PTPRM: variants seen among roughly 807,000 people sequenced by gnomAD.
PTPRM encodes the protein receptor-type tyrosine-protein phosphatase mu.
Under a neutral mutation model 186.7 loss-of-function variants are expected in PTPRM, and 47 were observed. The ratio of observed to expected loss-of-function variants is 0.25; its 90% CI spans 0.20 to 0.32. PTPRM has a LOEUF of 0.32. PTPRM is among the 10% of genes least tolerant of loss of function. PTPRM has a pLI of 1.00. For missense variants in PTPRM, 1,494 were observed against 1,865.0 expected (o/e 0.80, Z 3.66); for synonymous variants, 668 against 674.9 (o/e 0.99, Z 0.16).
At position 8,117,641 on chromosome 18, in the gene PTPRM, G is replaced by C. The variant is rs115825182; in HGVS notation, c.2167+2814G>C. Among the ~76,000 whole-genome samples the C allele has an allele frequency of 5.4e-3, 824 of 152,148 alleles. 10 individuals are homozygous for C. Among genetic ancestry groups the C allele is most frequent in the African/African-American group, 0.019 (775 of 41,528 alleles). Reference sequence around the variant, plus strand: ...ATTATTATATATCTCCATACGTGTGGGGGATTGCCTATATTTTTATGCATC... The same window carrying C: ...ATTATTATATATCTCCATACGTGTGCGGGATTGCCTATATTTTTATGCATC... On this transcript the variant is annotated intron_variant, in intron 13 of 32. Coordinates refer to ENST00000580170, the MANE Select transcript of PTPRM (RefSeq NM_001105244.2).
intron 6 of PTPRM, among the ~76,000 whole-genome samples, chr18:7,949,956 T>G (rs73381850): frequency 0.019 from 2,865 of 152,184 alleles, 103 homozygotes; most frequent in African/African-American, 0.066. Flanking sequence ...GGCTGAGGAA[T>G]TTATAGCATT....
At chr18:8,172,604 C>T (rs1323628387) in intron 14 of PTPRM, among the ~76,000 whole-genome samples, 2 of 151,934 alleles carry the variant, frequency 1.3e-5, no homozygotes, top group Non-Finnish European at 2.9e-5. Flanking sequence ...TGTTTAACAA[C>T]CACTGCTCCA....
chr18:8,044,223 T>A (rs2086872731), intron 7 of PTPRM, among the ~76,000 whole-genome samples: 3 of 152,200 alleles, frequency 2.0e-5, no homozygotes, highest in African/African-American at 7.2e-5. Context: ...GGGGAGAATC[T>A]TGGTAAGCTC....
At chr18:8,342,959 CAGAT>C (rs930283665) in intron 22 of PTPRM, among the ~76,000 whole-genome samples, 1 of 152,078 alleles carries the variant, frequency 6.6e-6, no homozygotes, top group African/African-American at 2.4e-5. Context: ...ATTAATTTGA[CAGAT>C]AGCACAGAAT....
chr18:8,161,766 C>A (rs2093234015), intron 14 of PTPRM, among the ~76,000 whole-genome samples: 1 of 152,176 alleles, frequency 6.6e-6, no homozygotes, highest in Non-Finnish European at 1.5e-5. Context: ...CGTGCTACCC[C>A]TTTACCCACG....
intron 14 of PTPRM, among the ~76,000 whole-genome samples, chr18:8,209,592 A>G (rs868047795): frequency 1.7e-4 from 26 of 152,134 alleles, no homozygotes; most frequent in African/African-American, 6.0e-4. Context: ...TCCCCCCAAA[A>G]AGATGTTGAA....
intron 1 of PTPRM, among the ~76,000 whole-genome samples, chr18:7,744,780 T>C (rs1480892788): frequency 6.6e-6 from 1 of 152,176 alleles, no homozygotes; most frequent in African/African-American, 2.4e-5. Context: ...TTATCTTATT[T>C]TTGACTGAGC....
intron 5 of PTPRM, among the ~76,000 whole-genome samples, chr18:7,939,692 C>T (rs1416781667): frequency 3.3e-5 from 5 of 152,154 alleles, no homozygotes; most frequent in African/African-American, 4.8e-5. Flanking sequence ...CCAGGACATT[C>T]GGTCACTGTG....
chr18:8,127,418 G>GTCT (rs1555756133), intron 13 of PTPRM, among the ~76,000 whole-genome samples: 1 of 133,830 alleles, frequency 7.5e-6, no homozygotes, highest in Non-Finnish European at 1.6e-5. Flanking sequence ...CAGCTGTATT[G>GTCT]TTTTTTTTTT....
chr18:7,608,341 G>A (rs1175717287), intron 1 of PTPRM, among the ~76,000 whole-genome samples: 1 of 152,188 alleles, frequency 6.6e-6, no homozygotes, highest in Non-Finnish European at 1.5e-5. Context: ...CCAGAACAAA[G>A]ACGGTTTCTA....
At chr18:8,218,875 A>C (rs2094120690) in intron 14 of PTPRM, among the ~76,000 whole-genome samples, 1 of 152,196 alleles carries the variant, frequency 6.6e-6, no homozygotes, top group South Asian at 2.1e-4. Flanking sequence ...GTTCTTGGGA[A>C]AAGAGTAGTA....
chr18:7,662,236 C>G (rs1020275397), intron 1 of PTPRM, among the ~76,000 whole-genome samples: 1 of 152,118 alleles, frequency 6.6e-6, no homozygotes, highest in African/African-American at 2.4e-5. Context: ...ATATCCAGAC[C>G]ATATATATGA....
chr18:7,650,067 G>A (rs1473025775), intron 1 of PTPRM, among the ~76,000 whole-genome samples: 1 of 152,128 alleles, frequency 6.6e-6, no homozygotes, highest in Non-Finnish European at 1.5e-5. Flanking sequence ...CCTTGTTGAG[G>A]TTGTCAGACC....
At chr18:7,584,935 A>T (rs1217555309) in intron 1 of PTPRM, among the ~76,000 whole-genome samples, 4 of 152,302 alleles carry the variant, frequency 2.6e-5, no homozygotes, top group Middle Eastern at 3.4e-3. Context: ...GTCGTTAAGG[A>T]GCTCACAGGA....
chr18:8,390,985 G>A (rs531201273), intron 31 of PTPRM, among the ~76,000 whole-genome samples: 10 of 146,062 alleles, frequency 6.8e-5, no homozygotes, highest in African/African-American at 1.0e-4. Flanking sequence ...GTCCCGAATA[G>A]CCAATGAGCA....
chr18:8,152,608 C>A (rs1367948100), intron 14 of PTPRM, among the ~76,000 whole-genome samples: 1 of 151,852 alleles, frequency 6.6e-6, no homozygotes, highest in Non-Finnish European at 1.5e-5. Context: ...TCCTCTCTAC[C>A]CCTCTTTTCT....
chr18:8,055,339 A>G (rs1024868175), intron 7 of PTPRM, among the ~76,000 whole-genome samples: 1 of 151,882 alleles, frequency 6.6e-6, no homozygotes, highest in Admixed American at 6.6e-5. Context: ...TTTCTGTGCT[A>G]CATTCTAGAT....
chr18:7,712,322 G>A (rs571851718), intron 1 of PTPRM, among the ~76,000 whole-genome samples: 1 of 152,206 alleles, frequency 6.6e-6, no homozygotes, highest in South Asian at 2.1e-4. Context: ...CAACATCAAG[G>A]AAAAGGACAT....
intron 24 of PTPRM, among the ~76,000 whole-genome samples, chr18:8,372,289 T>C (rs931628341): frequency 2.8e-5 from 4 of 143,458 alleles, no homozygotes; most frequent in Admixed American, 2.1e-4. Context: ...TTAGCCAGGA[T>C]GGTCTCGATC....
Sources: allele counts gnomAD v4.1 joint callset (sites outside exome capture counted in the v4.1 genomes callset), GRCh38; gene constraint gnomAD v4.1.1; transcripts MANE v1.5; gene names NCBI Gene and HGNC (gene_info 2026-07-23, HGNC 2026-07-21).